Variants in TAFA1 observed in about 807,000 individuals in gnomAD.
TAFA1 encodes TAFA chemokine like family member 1.
In TAFA1, 4 loss-of-function variants were observed where a neutral mutation model predicts 18.5. That is an observed-to-expected ratio of 0.22 (90% CI 0.11 to 0.49). TAFA1 has a LOEUF of 0.49. Among genes scored for constraint, TAFA1 ranks in the 20% least tolerant of loss-of-function variants. The pLI is 0.98. For synonymous variants in TAFA1, 56 were observed against 55.2 expected, an observed-to-expected ratio of 1.01 and a Z score of -0.06; for missense variants, 147 against 169.0, an observed-to-expected ratio of 0.87 and a Z score of 0.72.
intron 3 of TAFA1, among the ~76,000 whole-genome samples, chr3:68,504,712 A>T (rs1462085577): frequency 3.3e-5 from 5 of 151,992 alleles, no homozygotes. Context: ...ACCTCTTAAC[A>T]GTTAAGCTAA....
chr3:68,299,823 C>A (rs533705936), intron 2 of TAFA1, among the ~76,000 whole-genome samples: 2 of 151,098 alleles, frequency 1.3e-5, no homozygotes, highest in South Asian at 4.2e-4. Context: ...TCTGAGGGTG[C>A]AAGTCACAAG....
intron 2 of TAFA1, among the ~76,000 whole-genome samples, chr3:68,240,287 G>A (rs1208393318): frequency 6.6e-6 from 1 of 152,186 alleles, no homozygotes; most frequent in African/African-American, 2.4e-5. Context: ...AACATTGCAT[G>A]TGTAACTAAG....
chr3:68,247,704 A>T (rs1339832378), intron 2 of TAFA1: 2 of 152,280 alleles, frequency 1.3e-5, no homozygotes, highest in Non-Finnish European at 2.9e-5. Flanking sequence ...GGATAAAGGA[A>T]TATCATAAGT....
intron 2 of TAFA1, among the ~76,000 whole-genome samples, chr3:68,371,229 C>T (rs1446504095): frequency 6.6e-6 from 1 of 151,938 alleles, no homozygotes; most frequent in African/African-American, 2.4e-5. Context: ...TTTTATTTTA[C>T]TTTAAGTTCT....
chr3:68,248,567 C>G (rs9874483), intron 2 of TAFA1, among the ~76,000 whole-genome samples: 11,910 of 151,900 alleles, frequency 0.078, 521 homozygotes, highest in South Asian at 0.12. Context: ...GGTAAATGCA[C>G]CTGACAACAA....
intron 2 of TAFA1, among the ~76,000 whole-genome samples, chr3:68,225,829 C>T (rs1489107888): frequency 6.6e-6 from 1 of 151,828 alleles, no homozygotes; most frequent in Non-Finnish European, 1.5e-5. Context: ...CCTCAGATAA[C>T]CTATCTGTGA....
intron 2 of TAFA1, among the ~76,000 whole-genome samples, chr3:68,287,273 C>T (rs1035596608): frequency 2.0e-5 from 3 of 152,178 alleles, no homozygotes; most frequent in Non-Finnish European, 4.4e-5. Flanking sequence ...CTCCCATTAT[C>T]GCCCTATTAC....
chr3:68,127,348 A>G (rs973919864), intron 2 of TAFA1, among the ~76,000 whole-genome samples: 4 of 152,176 alleles, frequency 2.6e-5, no homozygotes, highest in African/African-American at 9.7e-5. Flanking sequence ...CCTAAAAGAG[A>G]CTAAAGTGAA....
chr3:68,110,667 T>G (rs1434043022), intron 2 of TAFA1, among the ~76,000 whole-genome samples: 2 of 152,188 alleles, frequency 1.3e-5, no homozygotes, highest in African/African-American at 2.4e-5. Flanking sequence ...AGAGCCATCA[T>G]GCATTAAGAA....
rs1281994440 is a variant in TAFA1 at position 68,478,383 on chromosome 3, C to G, written c.260-60373C>G. Reference sequence around the variant, plus strand: ...CAGCAATCTGTTTGAGATAAAACATCTAACAGCATCTATGACATAAAGTGG... The same window carrying G: ...CAGCAATCTGTTTGAGATAAAACATGTAACAGCATCTATGACATAAAGTGG... On this transcript the variant is annotated intron_variant, in intron 3 of 4. Coordinates refer to ENST00000478136, the MANE Select transcript of TAFA1 (RefSeq NM_213609.4). Among the ~76,000 whole-genome samples the G allele has an allele frequency of 2.6e-5, 4 of 152,050 alleles. No individual in the cohort carries two copies. The East Asian group carries it at 7.7e-4, about 29-fold the overall frequency.
chr3:68,147,039 G>GTGTGTATATA (rs780205455), intron 2 of TAFA1, among the ~76,000 whole-genome samples: 2 of 148,262 alleles, frequency 1.3e-5, no homozygotes, highest in Non-Finnish European at 1.5e-5. Context: ...GTGTGTGTGT[G>GTGTGTATATA]TATATATATA....
intron 3 of TAFA1, among the ~76,000 whole-genome samples, chr3:68,495,557 A>T (rs1384953844): frequency 6.6e-6 from 1 of 152,122 alleles, no homozygotes; most frequent in Non-Finnish European, 1.5e-5. Context: ...GTCGGCAAAT[A>T]AGTGTACGTT....
At chr3:68,111,904 C>G (rs139735352) in intron 2 of TAFA1, among the ~76,000 whole-genome samples, 2,108 of 151,878 alleles carry the variant, frequency 0.014, 22 homozygotes, top group Non-Finnish European at 0.021. Flanking sequence ...TTAAATGCCC[C>G]AATTAAAAGC....
At chr3:67,996,729 G>A in the TAFA1 span, among the ~76,000 whole-genome samples, 1 of 151,992 alleles carries the variant, frequency 6.6e-6, no homozygotes, top group African/African-American at 2.4e-5. Context: ...AACTTGGGAG[G>A]CAGAGGTTGC....
chr3:68,113,483 A>G (rs558067401), intron 2 of TAFA1, among the ~76,000 whole-genome samples: 2 of 152,358 alleles, frequency 1.3e-5, no homozygotes, highest in African/African-American at 4.8e-5. Context: ...ATGGGAGAAT[A>G]TAAGCTTGGA....
intron 2 of TAFA1, among the ~76,000 whole-genome samples, chr3:68,262,344 T>C (rs2067448952): frequency 1.1e-5 from 1 of 93,356 alleles, no homozygotes; most frequent in Non-Finnish European, 2.1e-5. Flanking sequence ...TATATATATA[T>C]ATATATATAT....
chr3:68,385,840 G>A (rs1043819445), intron 2 of TAFA1, among the ~76,000 whole-genome samples: 3 of 151,922 alleles, frequency 2.0e-5, no homozygotes, highest in African/African-American at 7.3e-5. Context: ...GAGGTATATA[G>A]TGATGTTTTG....
intron 3 of TAFA1, among the ~76,000 whole-genome samples, chr3:68,532,305 C>T (rs551976367): frequency 4.0e-4 from 61 of 152,300 alleles, no homozygotes; most frequent in African/African-American, 1.4e-3. Context: ...CAAAGAAAGG[C>T]TGCCTTCTTA....
intron 3 of TAFA1, among the ~76,000 whole-genome samples, chr3:68,432,597 A>G (rs984406137): frequency 6.6e-6 from 1 of 152,018 alleles, no homozygotes; most frequent in African/African-American, 2.4e-5. Context: ...CAGAGAAACA[A>G]AAAGAAGCTG....
Sources: gnomAD v4.1 joint callset for allele counts (sites outside exome capture counted in the v4.1 genomes callset) on GRCh38, gnomAD v4.1.1 for gene constraint, MANE v1.5 for transcripts, NCBI Gene and HGNC (gene_info 2026-07-23, HGNC 2026-07-21) for gene names.